ZNF44: variants seen among roughly 807,000 people sequenced by gnomAD.
ZNF44 encodes the protein zinc finger protein 44, also known as gonadotropin inducible transcription repressor-2.
ZNF44 carries 9 observed loss-of-function variants against 11.7 expected under a neutral mutation model. The observed-to-expected ratio is 0.77, with a 90% CI of 0.46 to 1.35. The LOEUF (loss-of-function observed/expected upper bound fraction) is 1.35, where lower values mean the gene tolerates loss of function less well. Ranked by LOEUF, ZNF44 falls within the 40% of genes most tolerant of loss-of-function variation. ZNF44 has a pLI of 0.00. For missense variants in ZNF44, 696 were observed against 743.1 expected (o/e 0.94, Z 0.74); for synonymous variants, 224 against 242.7 (o/e 0.92, Z 0.72).
chr19:12,288,159 T>G (rs775723362), intron 1 of ZNF44, among the ~76,000 whole-genome samples: 8 of 152,150 alleles, frequency 5.3e-5, no homozygotes, highest in Non-Finnish European at 1.2e-4. Context: ...AGATGCCAAA[T>G]GCAAGCCCTA....
downstream of ZNF44, among the ~76,000 whole-genome samples, chr19:12,270,003 A>G (rs910050017): frequency 6.6e-6 from 1 of 152,216 alleles, no homozygotes. Context: ...TCACTCCATA[A>G]GCAGCAAATT....
At chr19:12,248,440 T>G in exon 8 of ZNF44, 1 of 1,291,154 alleles carries the variant, frequency 7.7e-7, no homozygotes, top group Non-Finnish European at 1.0e-6. Context: ...CCACATTTCT[T>G]ACATTTATAT....
intron 5 of ZNF44, chr19:12,260,599 C>A: frequency 1.6e-6 from 1 of 635,576 alleles, no homozygotes; most frequent in Non-Finnish European, 2.8e-6. Flanking sequence ...CCCTCATGCC[C>A]GCAAAAAACA....
intron 7 of ZNF44, chr19:12,249,965 G>T: frequency 7.8e-7 from 1 of 1,275,628 alleles, no homozygotes; most frequent in African/African-American, 1.5e-5. Flanking sequence ...TTTCTTTTCT[G>T]AGTGTGACTC....
At chr19:12,274,117 T>C in intron 3 of ZNF44, 54 bp from the exon 4 acceptor site, 2 of 1,447,918 alleles carry the variant, frequency 1.4e-6, no homozygotes, top group Non-Finnish European at 1.9e-6. Flanking sequence ...TTTATATTTA[T>C]CAACAGGTAT....
chr19:12,263,651 T>C (rs1353377321), intron 5 of ZNF44, among the ~76,000 whole-genome samples: 1 of 151,672 alleles, frequency 6.6e-6, no homozygotes, highest in African/African-American at 2.4e-5. Flanking sequence ...TAGCGCTGGG[T>C]GCAGTGGCTC....
chr19:12,248,157 T>G, exon 8 of ZNF44: 1 of 1,304,504 alleles, frequency 7.7e-7, no homozygotes. Context: ...TCGAGCAGAA[T>G]GGCGGTAAAT....
At chr19:12,254,144 A>G (rs1215514584) in intron 5 of ZNF44, among the ~76,000 whole-genome samples, 1 of 151,780 alleles carries the variant, frequency 6.6e-6, no homozygotes, top group African/African-American at 2.4e-5. Flanking sequence ...TGGGACATAA[A>G]ACAAACCTAA....
At chr19:12,278,392 C>A (rs192164789) in intron 1 of ZNF44, among the ~76,000 whole-genome samples, 1 of 152,214 alleles carries the variant, frequency 6.6e-6, no homozygotes, top group Admixed American at 6.5e-5. Flanking sequence ...GGCTGTCAGC[C>A]CCCTGATTTC....
At chr19:12,275,760 T>A (rs1454820663) in intron 2 of ZNF44, among the ~76,000 whole-genome samples, 196 bp downstream of exon 2, 1 of 152,248 alleles carries the variant, frequency 6.6e-6, no homozygotes, top group East Asian at 1.9e-4. Flanking sequence ...ATAAGGCTGC[T>A]GGTCAAAAGT....
intron 5 of ZNF44, among the ~76,000 whole-genome samples, chr19:12,251,303 C>T (rs1203593699): frequency 6.8e-6 from 1 of 146,938 alleles, no homozygotes; most frequent in African/African-American, 2.6e-5. Context: ...GCACTCCAGC[C>T]TGGGCAACGG....
chr19:12,292,925 A>G (rs533121), intron 1 of ZNF44, among the ~76,000 whole-genome samples: 57,313 of 139,894 alleles, frequency 0.41, 12,483 homozygotes, highest in African/African-American at 0.61. Context: ...GTGCAATGGC[A>G]TGATTGTGAT....
chr19:12,272,812 A>G lies in ZNF44; in HGVS notation c.1443T>C (p.Cys481=). The change falls in exon 4 of 4, where the codon TGT becomes TGC. Residue 481 remains cysteine (C), a synonymous_variant. Transcript: ENST00000355684. The part of the protein sequence containing the change: ...SEEEPYECKE[C]GKAFSSFKYF... ...ATTTAAAAGAACTAAATGCTTTCCC[A>G]CACTCCTTACATTCATAAGGCTCCT... is the stretch of plus-strand genomic sequence containing the variant. 6 of 1,613,942 alleles carry G rather than the reference A, an allele frequency of 3.7e-6. No homozygotes were observed. The African/African-American group carries it at 5.3e-5, about 14-fold the overall frequency.
At chr19:12,239,637 G>A (rs1306815601), upstream of ZNF44, among the ~76,000 whole-genome samples, 8 of 144,336 alleles carry the variant, frequency 5.5e-5, no homozygotes, top group Admixed American at 1.4e-4. Flanking sequence ...GTGCAGTGGC[G>A]TGGTGTCACT....
chr19:12,290,781 G>C (rs570479009), intron 1 of ZNF44, among the ~76,000 whole-genome samples: 1 of 152,050 alleles, frequency 6.6e-6, no homozygotes. Context: ...ATTAGGCTGG[G>C]ACACCTGCAG....
intron 1 of ZNF44, chr19:12,284,310 A>G: frequency 2.1e-6 from 1 of 482,456 alleles, no homozygotes; most frequent in South Asian, 2.0e-5. Context: ...ATTAAAAGGT[A>G]TAGCTTCTTC....
chr19:12,288,775 T>A (rs1967868724), intron 1 of ZNF44, among the ~76,000 whole-genome samples: 1 of 10,392 alleles, frequency 9.6e-5, no homozygotes, highest in African/African-American at 2.8e-4. Context: ...AAAAAAAATG[T>A]ATATATATAT....
chr19:12,242,989 ATAATTT>A (rs1470895421), downstream of ZNF44: 1 of 152,236 alleles, frequency 6.6e-6, no homozygotes, highest in Non-Finnish European at 1.5e-5. Context: ...TAGAAATGAC[ATAATTT>A]TAAATACATG....
chr19:12,290,344 C>T (rs1010873968), intron 1 of ZNF44, among the ~76,000 whole-genome samples: 1 of 149,982 alleles, frequency 6.7e-6, no homozygotes, highest in South Asian at 2.1e-4. Context: ...AAGATCATGC[C>T]GTTGCAGTTG....
Sources: gnomAD v4.1 joint callset for allele counts (sites outside exome capture counted in the v4.1 genomes callset) on GRCh38, gnomAD v4.1.1 for gene constraint, MANE v1.5 for transcripts, NCBI Gene and HGNC (gene_info 2026-07-23, HGNC 2026-07-21) for gene names.